Variants in KCNN2 observed in about 807,000 individuals in gnomAD.
KCNN2 encodes the protein small conductance calcium-activated potassium channel protein 2.
Under a neutral mutation model 55.5 loss-of-function variants are expected in KCNN2, and 24 were observed. The ratio of observed to expected loss-of-function variants is 0.43; its 90% CI spans 0.31 to 0.61. The LOEUF (loss-of-function observed/expected upper bound fraction) is 0.61, where lower values mean the gene tolerates loss of function less well. Among genes scored for constraint, KCNN2 ranks in the 20% least tolerant of loss-of-function variants. KCNN2 has a pLI of 0.08. For missense variants in KCNN2, 754 were observed against 853.6 expected, an observed-to-expected ratio of 0.88 and a Z score of 1.45; for synonymous variants, 431 against 336.1, an observed-to-expected ratio of 1.28 and a Z score of -3.09.
At chr5:114,139,286 ATGATT>A (rs1381359155) in intron 1 of KCNN2, among the ~76,000 whole-genome samples, 6 of 152,104 alleles carry the variant, frequency 3.9e-5, no homozygotes, top group African/African-American at 1.4e-4. Flanking sequence ...ATAAGAATAA[ATGATT>A]TGATATGAGA....
chr5:114,059,903 G>T (rs1179464512), intron 1 of KCNN2, among the ~76,000 whole-genome samples: 3 of 152,186 alleles, frequency 2.0e-5, no homozygotes, highest in Admixed American at 6.5e-5. Flanking sequence ...AGATAGGACT[G>T]AAGTGGGTGA....
rs1580592734 is a variant in KCNN2, at chr5:114,178,169, A to C, written c.-270-43311A>C. On this transcript the variant is annotated intron_variant, in intron 1 of 10. Coordinates refer to the KCNN2 transcript ENST00000512097. ...AAATGTTTTTTACATTTTCATCAGT[A>C]ATTAAATAAGAAATGTATAGACTTC... Among the ~76,000 whole-genome samples the C allele has an allele frequency of 3.9e-5, 6 of 152,366 alleles. No homozygotes were observed. In the South Asian group the frequency reaches 1.2e-3, roughly 32 times the overall value.
chr5:114,385,526 C>CAT (rs1758254390), intron 2 of KCNN2, among the ~76,000 whole-genome samples: 1 of 146,940 alleles, frequency 6.8e-6, no homozygotes, highest in African/African-American at 2.5e-5. Flanking sequence ...CGCGCACACA[C>CAT]ACACACACAC....
chr5:114,444,315 GA>G (rs1561387330), intron 3 of KCNN2, among the ~76,000 whole-genome samples: 1 of 152,064 alleles, frequency 6.6e-6, no homozygotes, highest in Non-Finnish European at 1.5e-5. Context: ...TCAGGAGGAG[GA>G]GGGGTTAGAG....
intron 1 of KCNN2, among the ~76,000 whole-genome samples, chr5:114,212,383 G>A (rs1225696263): frequency 6.6e-6 from 1 of 151,980 alleles, no homozygotes; most frequent in African/African-American, 2.4e-5. Context: ...TTGCCTAGGG[G>A]TTGGGTGGAA....
At chr5:114,251,414 G>A (rs1754858024) in intron 2 of KCNN2, among the ~76,000 whole-genome samples, 1 of 152,164 alleles carries the variant, frequency 6.6e-6, no homozygotes, top group African/African-American at 2.4e-5. Flanking sequence ...CTGAGTCTCA[G>A]TTTACTTATT....
intron 3 of KCNN2, chr5:114,433,921 C>T (rs1759902999): frequency 6.2e-6 from 1 of 160,162 alleles, no homozygotes; most frequent in Non-Finnish European, 1.3e-5. Flanking sequence ...CCCACCAATT[C>T]CGGACGCAGT....
intron 2 of KCNN2, among the ~76,000 whole-genome samples, chr5:114,312,556 T>A (rs1016017340): frequency 6.7e-6 from 1 of 149,240 alleles, no homozygotes; most frequent in Non-Finnish European, 1.5e-5. Context: ...CCAGAACAGT[T>A]TACTCTGCCC....
At chr5:114,446,881 G>GA (rs1242066500) in intron 3 of KCNN2, among the ~76,000 whole-genome samples, 1 of 152,136 alleles carries the variant, frequency 6.6e-6, no homozygotes, top group Non-Finnish European at 1.5e-5. Flanking sequence ...CAGACTGGGT[G>GA]ACAGAGCAAG....
At chr5:114,242,053 G>T (rs913796818) in intron 2 of KCNN2, among the ~76,000 whole-genome samples, 2 of 151,478 alleles carry the variant, frequency 1.3e-5, no homozygotes, top group Non-Finnish European at 2.9e-5. Context: ...CCCACACGGT[G>T]AAATGGAGAG....
chr5:114,247,235 A>G (rs1044685225), intron 2 of KCNN2, among the ~76,000 whole-genome samples: 2 of 150,614 alleles, frequency 1.3e-5, no homozygotes, highest in Admixed American at 1.3e-4. Flanking sequence ...AAAAGAAAAG[A>G]AAGAGTGACC....
intron 2 of KCNN2, among the ~76,000 whole-genome samples, chr5:114,288,951 A>T (rs1580696796): frequency 6.6e-6 from 1 of 151,774 alleles, no homozygotes; most frequent in African/African-American, 2.4e-5. Flanking sequence ...ATTTAACCCT[A>T]TATTTTTTTC....
intron 2 of KCNN2, among the ~76,000 whole-genome samples, chr5:114,292,769 A>G (rs954914630): frequency 3.2e-4 from 48 of 152,298 alleles, no homozygotes; most frequent in African/African-American, 1.1e-3. Flanking sequence ...TTGAATCTAT[A>G]AATTACCTTG....
intron 3 of KCNN2, among the ~76,000 whole-genome samples, chr5:114,408,978 T>A (rs547700855): frequency 1.3e-5 from 2 of 152,310 alleles, no homozygotes; most frequent in South Asian, 2.1e-4. Flanking sequence ...AATGAGAGTG[T>A]GTAGCCAGCA....
chr5:114,439,185 A>G (rs1055506827), intron 3 of KCNN2, among the ~76,000 whole-genome samples: 3 of 152,216 alleles, frequency 2.0e-5, no homozygotes, highest in African/African-American at 4.8e-5. Context: ...CCACATGCCT[A>G]CATATATGTA....
At chr5:114,102,920 G>T (rs1003739239) in intron 1 of KCNN2, among the ~76,000 whole-genome samples, 3 of 152,100 alleles carry the variant, frequency 2.0e-5, no homozygotes, top group Admixed American at 6.6e-5. Flanking sequence ...GGCTATATGG[G>T]CTCTTTTTTG....
intron 2 of KCNN2, among the ~76,000 whole-genome samples, chr5:114,332,374 C>G (rs1010512504): frequency 6.6e-6 from 1 of 152,136 alleles, no homozygotes. Context: ...TAACCCCAAC[C>G]CTTGCAAGGT....
intron 1 of KCNN2, among the ~76,000 whole-genome samples, chr5:114,078,718 T>C (rs1305236083): frequency 6.6e-6 from 1 of 152,130 alleles, no homozygotes; most frequent in Non-Finnish European, 1.5e-5. Flanking sequence ...GGAGACTGGT[T>C]TTGTTTCTGT....
intron 3 of KCNN2, among the ~76,000 whole-genome samples, chr5:114,449,342 T>G (rs1207128008): frequency 6.6e-6 from 1 of 152,152 alleles, no homozygotes; most frequent in Admixed American, 6.5e-5. Flanking sequence ...CTGCGCATAC[T>G]CTGAGCAGCC....
Sources: allele counts gnomAD v4.1 joint callset (sites outside exome capture counted in the v4.1 genomes callset), GRCh38; gene constraint gnomAD v4.1.1; transcripts MANE v1.5; gene names NCBI Gene and HGNC (gene_info 2026-07-23, HGNC 2026-07-21).